HFM1: variants seen among roughly 807,000 people sequenced by gnomAD.
The protein encoded by HFM1 is probable ATP-dependent DNA helicase HFM1.
Under a neutral mutation model 192.1 loss-of-function variants are expected in HFM1, and 169 were observed. The observed-to-expected ratio is 0.88, with a 90% CI of 0.78 to 1.00. The LOEUF (loss-of-function observed/expected upper bound fraction) is 1.00, where lower values mean the gene tolerates loss of function less well. HFM1 is among the 50% of genes least tolerant of loss of function. HFM1 has a pLI of 0.00. For synonymous variants in HFM1, 525 were observed against 537.8 expected, an observed-to-expected ratio of 0.98 and a Z score of 0.33; for missense variants, 1,661 against 1,668.0, an observed-to-expected ratio of 1.00 and a Z score of 0.07.
chr1:91,397,599 T>C (rs1663815974), intron 2 of HFM1, among the ~76,000 whole-genome samples: 1 of 152,200 alleles, frequency 6.6e-6, no homozygotes, highest in African/African-American at 2.4e-5. Context: ...AAGTAAAAAA[T>C]CTACAACACA....
chr1:91,366,696 A>G (rs1217906649), intron 13 of HFM1, among the ~76,000 whole-genome samples: 1 of 152,232 alleles, frequency 6.6e-6, no homozygotes, highest in East Asian at 1.9e-4. Flanking sequence ...CAGCGTGAGC[A>G]ATGCAGAAGA....
chr1:91,363,861 A>C (rs534958087), intron 13 of HFM1, among the ~76,000 whole-genome samples: 1 of 152,360 alleles, frequency 6.6e-6, no homozygotes. Flanking sequence ...AGCCGTAAAA[A>C]GGAATGATAT....
intron 30 of HFM1, among the ~76,000 whole-genome samples, chr1:91,294,095 T>C (rs1392820930): frequency 1.3e-5 from 2 of 150,978 alleles, no homozygotes; most frequent in Non-Finnish European, 3.0e-5. Context: ...ATATACCTAA[T>C]GCTAGATGAC....
Position 91,380,920 on chromosome 1 carries a change from A to T in HFM1, c.865T>A (p.Phe289Ile), listed in dbSNP as rs770040067. The T allele has an allele frequency of 7.2e-7, 1 of 1,395,030 alleles. No homozygotes were observed. The highest frequency in any genetic ancestry group is 1.0e-6 in the Non-Finnish European group (1 of 990,012). 86.4% of individuals were successfully genotyped at this position (1,395,030 alleles called of 1,614,324 possible). ...PYFNYIQSKA[F>I]DDLLYTDRNF... ...TAAAATAAAATACTTACATCATCAA[A>T]GGCCTTGGACTGTATATAGTTGAAA... Residue 289 changes from phenylalanine to isoleucine, a missense_variant, in exon 7 of 39, where the codon TTT becomes ATT. Coordinates refer to ENST00000370425, the MANE Select transcript of HFM1 (RefSeq NM_001017975.6).
At chr1:91,400,905 TTCC>T (rs1453347372) in intron 2 of HFM1, 104 bp downstream of exon 2, 3 of 546,124 alleles carry the variant, frequency 5.5e-6, no homozygotes, top group Non-Finnish European at 6.5e-6. Context: ...GTTCTGTTGA[TTCC>T]TCATTTTTAT....
chr1:91,321,436 T>C (rs1409459494), intron 23 of HFM1, among the ~76,000 whole-genome samples: 2 of 115,188 alleles, frequency 1.7e-5, no homozygotes, highest in Non-Finnish European at 3.5e-5. Flanking sequence ...AGTGTGACAC[T>C]CTGTCTCAAA....
intron 30 of HFM1, among the ~76,000 whole-genome samples, chr1:91,284,266 A>G (rs1201260139): frequency 6.6e-6 from 1 of 151,162 alleles, no homozygotes; most frequent in African/African-American, 2.4e-5. Context: ...TTTTTGAGAT[A>G]GAGTTTTGCC....
At chr1:91,331,281 G>C (rs1294175310) in intron 20 of HFM1, among the ~76,000 whole-genome samples, 1 of 152,092 alleles carries the variant, frequency 6.6e-6, no homozygotes, top group African/African-American at 2.4e-5. Context: ...AATGTTGCAG[G>C]ATACAACATC....
At chr1:91,382,946 G>A (rs947489299) in intron 6 of HFM1, among the ~76,000 whole-genome samples, 11 of 152,282 alleles carry the variant, frequency 7.2e-5, no homozygotes, top group African/African-American at 2.4e-4. Context: ...CTGAGAAAAC[G>A]TCTATTGCCC....
At chr1:91,386,573 T>C (rs1294788782) in intron 4 of HFM1, among the ~76,000 whole-genome samples, 2 of 152,240 alleles carry the variant, frequency 1.3e-5, no homozygotes, top group Non-Finnish European at 2.9e-5. Context: ...TGTTTTAAAC[T>C]ACTACATTTT....
At chr1:91,353,234 C>T in intron 14 of HFM1, 22 bp downstream of exon 14, 1 of 1,576,944 alleles carries the variant, frequency 6.3e-7, no homozygotes, top group East Asian at 2.2e-5. Flanking sequence ...AAATGCTATT[C>T]AAAAATTATC....
At chr1:91,384,496 T>C (rs1312992163) in intron 6 of HFM1, among the ~76,000 whole-genome samples, 1 of 152,144 alleles carries the variant, frequency 6.6e-6, no homozygotes, top group African/African-American at 2.4e-5. Flanking sequence ...ACTAGATCTG[T>C]AGAAATGTCC....
intron 13 of HFM1, among the ~76,000 whole-genome samples, chr1:91,364,610 A>ATG (rs1658990438): frequency 3.5e-5 from 2 of 56,794 alleles, no homozygotes; most frequent in African/African-American, 1.2e-4. Flanking sequence ...ACATATACAT[A>ATG]TATATATATA....
At chr1:91,333,041 G>A (rs1654055775) in intron 20 of HFM1, among the ~76,000 whole-genome samples, 1 of 152,182 alleles carries the variant, frequency 6.6e-6, no homozygotes, top group Non-Finnish European at 1.5e-5. Flanking sequence ...GAATAGTTTG[G>A]AGGTTCCTCA....
chr1:91,277,110 T>C (rs920797544), intron 30 of HFM1, 48 bp from the exon 31 acceptor site: 6 of 955,756 alleles, frequency 6.3e-6, no homozygotes, highest in African/African-American at 5.0e-5. Flanking sequence ...ACATTTATTA[T>C]TGTTAATTTA....
In HFM1 at chr1:91,303,876, C is replaced by T. The variant is rs569543450; in HGVS notation, c.3391+9473G>A. Among the ~76,000 whole-genome samples, 109 of 152,266 alleles carry T rather than the reference C, an allele frequency of 7.2e-4. 1 individual carries two copies. Among genetic ancestry groups the T allele is most frequent in the African/African-American group, 2.5e-3 (104 of 41,544 alleles). ...TTATTTTATTTTTGAGACAAAGTCTCACTCTGTCACCCAGGTTGGAGTGCA... is the reference window on the plus strand; with the variant it reads ...TTATTTTATTTTTGAGACAAAGTCTTACTCTGTCACCCAGGTTGGAGTGCA... On this transcript the variant is annotated intron_variant, in intron 30 of 38. Transcript: ENST00000370425.
At chr1:91,390,555 C>A (rs565465181) in intron 4 of HFM1, among the ~76,000 whole-genome samples, 34 of 152,174 alleles carry the variant, frequency 2.2e-4, no homozygotes, top group African/African-American at 7.7e-4. Flanking sequence ...TTAAGTGCAG[C>A]CATTCATGCT....
At chr1:91,366,317 C>A (rs923516671) in intron 13 of HFM1, among the ~76,000 whole-genome samples, 19 of 152,134 alleles carry the variant, frequency 1.2e-4, no homozygotes, top group Non-Finnish European at 2.9e-5. Context: ...ATCATGCTGC[C>A]ATTGCACAAA....
intron 36 of HFM1, among the ~76,000 whole-genome samples, chr1:91,264,920 C>G (rs1665602364): frequency 6.6e-6 from 1 of 152,114 alleles, no homozygotes; most frequent in Non-Finnish European, 1.5e-5. Context: ...TAACATCTAC[C>G]TAGGTGCCAT....
Sources: allele counts gnomAD v4.1 joint callset (sites outside exome capture counted in the v4.1 genomes callset), GRCh38; gene constraint gnomAD v4.1.1; transcripts MANE v1.5; gene names NCBI Gene and HGNC (gene_info 2026-07-23, HGNC 2026-07-21).